The following SPATA3 variants were observed in gnomAD, a reference collection of about 807,000 sequenced individuals.
The protein encoded by SPATA3 is spermatogenesis associated 3.
Under a neutral mutation model 5.7 loss-of-function variants are expected in SPATA3, and 6 were observed. The ratio of observed to expected loss-of-function variants is 1.06; its 90% CI spans 0.58 to 2.09. The LOEUF (loss-of-function observed/expected upper bound fraction) is 2.09, where lower values mean the gene tolerates loss of function less well. Among genes scored for constraint, SPATA3 ranks in the 30% most tolerant of loss-of-function variants. The pLI is 0.00. For synonymous variants in SPATA3, 44 were observed against 48.4 expected (o/e 0.91, Z 0.37); for missense variants, 155 against 130.4 (o/e 1.19, Z -0.92).
chr2:231,007,109 T>C (rs1054259732), downstream of SPATA3: 7 of 152,088 alleles, frequency 4.6e-5, no homozygotes, highest in African/African-American at 1.7e-4. Context: ...CACGGAAGGA[T>C]CACAGCTGCT....
intron 1 of SPATA3, chr2:230,996,284 C>T (rs2125088560): frequency 6.4e-7 from 1 of 1,551,988 alleles, no homozygotes; most frequent in Non-Finnish European, 8.7e-7. Flanking sequence ...ACCGAGACTC[C>T]ACCTCCCAGC....
chr2:231,011,823 C>G (rs1811752), downstream of SPATA3, among the ~76,000 whole-genome samples: 66,750 of 152,076 alleles, frequency 0.44, 15,734 homozygotes, highest in African/African-American at 0.59. Flanking sequence ...AGAGGAAGGA[C>G]AGCACTTCAG....
chr2:231,014,129 A>G (rs1365248049), exon 6 of SPATA3: 1 of 152,216 alleles, frequency 6.6e-6, no homozygotes, highest in East Asian at 1.9e-4. Flanking sequence ...TAATGATGCT[A>G]ACTAGAGACC....
downstream of SPATA3, chr2:231,002,860 G>A (rs753314721): frequency 3.1e-5 from 33 of 1,050,058 alleles, no homozygotes; most frequent in Middle Eastern, 2.4e-4. Flanking sequence ...TCGAATGGAG[G>A]TGGTCTCTTC....
chr2:230,997,479 A>C (rs1406977648), intron 1 of SPATA3, among the ~76,000 whole-genome samples: 2 of 152,252 alleles, frequency 1.3e-5, no homozygotes, highest in East Asian at 3.8e-4. Flanking sequence ...AGCCAGACAA[A>C]ATACAAGACT....
exon 7 of SPATA3, chr2:231,019,803 A>G (rs1283429035): frequency 1.3e-5 from 2 of 150,716 alleles, no homozygotes; most frequent in Non-Finnish European, 3.0e-5. Context: ...TGATGCCTCT[A>G]CTATCATTAC....
chr2:231,005,361 CCACCATCAT>C (rs1692558164), downstream of SPATA3, among the ~76,000 whole-genome samples: 1 of 58,242 alleles, frequency 1.7e-5, no homozygotes, highest in Non-Finnish European at 3.5e-5. Context: ...ATCACCACCA[CCACCATCAT>C]CACCACCATC....
intron 6 of SPATA3, among the ~76,000 whole-genome samples, chr2:231,014,549 C>T (rs1692879160): frequency 6.6e-6 from 1 of 152,124 alleles, no homozygotes; most frequent in South Asian, 2.1e-4. Context: ...GTGTTCCTGG[C>T]TTTGAGGGGC....
chr2:231,004,616 A>G (rs1692469513), downstream of SPATA3, among the ~76,000 whole-genome samples: 1 of 152,172 alleles, frequency 6.6e-6, no homozygotes, highest in Non-Finnish European at 1.5e-5. Flanking sequence ...CACTGGCAAC[A>G]TGACAAATGC....
chr2:231,000,600 A>G (rs1452153497), intron 2 of SPATA3, 63 bp downstream of exon 2: 1 of 1,339,890 alleles, frequency 7.5e-7, no homozygotes. Flanking sequence ...CTCTGCCCCC[A>G]GACCTTATTA....
downstream of SPATA3, among the ~76,000 whole-genome samples, chr2:231,008,826 T>C (rs2125117087): frequency 6.6e-6 from 1 of 152,338 alleles, no homozygotes; most frequent in Non-Finnish European, 1.5e-5. Flanking sequence ...CTGGTTCAGA[T>C]GTGGCTTGCT....
chr2:230,996,675 T>A, intron 1 of SPATA3, 141 bp downstream of exon 1: 2 of 1,159,852 alleles, frequency 1.7e-6, no homozygotes, highest in Non-Finnish European at 2.4e-6. Flanking sequence ...AAGGTTTTTG[T>A]TTTTGTTTCT....
At chr2:231,019,178 C>G (rs928207229) in intron 6 of SPATA3, among the ~76,000 whole-genome samples, 2 of 151,130 alleles carry the variant, frequency 1.3e-5, no homozygotes, top group South Asian at 2.1e-4. Flanking sequence ...ACCATGTTAG[C>G]CAGGATGGTC....
chr2:231,007,699 G>T (rs994421069), downstream of SPATA3, among the ~76,000 whole-genome samples: 1 of 152,212 alleles, frequency 6.6e-6, no homozygotes, highest in Middle Eastern at 3.2e-3. Flanking sequence ...GTGATGGGGA[G>T]CAGCCTGCCA....
intron 6 of SPATA3, among the ~76,000 whole-genome samples, chr2:231,019,409 C>CACCAGGAA (rs1470268106): frequency 1.3e-4 from 20 of 149,872 alleles, no homozygotes; most frequent in East Asian, 6.3e-4. Context: ...CTGCAAGCTC[C>CACCAGGAA]GCCTCCCGGG....
chr2:231,017,507 G>A (rs776916158), intron 6 of SPATA3, among the ~76,000 whole-genome samples: 1 of 152,244 alleles, frequency 6.6e-6, no homozygotes, highest in Non-Finnish European at 1.5e-5. Context: ...CAATGACTGG[G>A]CCCCGGGGAA....
intron 2 of SPATA3, among the ~76,000 whole-genome samples, chr2:231,002,415 T>C (rs1196243630): frequency 6.6e-6 from 1 of 152,184 alleles, no homozygotes; most frequent in Non-Finnish European, 1.5e-5. Context: ...CACAGCAGAC[T>C]TGACCACCTT....
intron 5 of SPATA3, among the ~76,000 whole-genome samples, chr2:231,012,947 C>T (rs1339101773): frequency 6.6e-6 from 1 of 152,242 alleles, no homozygotes. Flanking sequence ...TGGGGCAAAT[C>T]CAGTTCTCTG....
chr2:231,003,719 T>C (rs1409182569), downstream of SPATA3, among the ~76,000 whole-genome samples: 1 of 152,192 alleles, frequency 6.6e-6, no homozygotes, highest in Non-Finnish European at 1.5e-5. Context: ...TAGCAGCACA[T>C]TCACAACTCA....
Sources: gnomAD v4.1 joint callset for allele counts (sites outside exome capture counted in the v4.1 genomes callset) on GRCh38, gnomAD v4.1.1 for gene constraint, MANE v1.5 for transcripts, NCBI Gene and HGNC (gene_info 2026-07-23, HGNC 2026-07-21) for gene names.